The following HDGFL3 variants were observed in gnomAD, a reference collection of about 807,000 sequenced individuals.
HDGFL3 encodes the protein hepatoma-derived growth factor-related protein 3.
Under a neutral mutation model 27.6 loss-of-function variants are expected in HDGFL3, and 6 were observed. The ratio of observed to expected loss-of-function variants is 0.22; its 90% confidence interval spans 0.12 to 0.43. HDGFL3 has a LOEUF of 0.43. Among genes scored for constraint, HDGFL3 ranks in the 20% least tolerant of loss-of-function variants. The pLI, the probability that HDGFL3 is intolerant of heterozygous loss-of-function variation, is 1.00. For missense variants in HDGFL3, 207 were observed against 250.1 expected, an observed-to-expected ratio of 0.83 and a Z score of 1.16; for synonymous variants, 88 against 88.9, an observed-to-expected ratio of 0.99 and a Z score of 0.05.
intron 2 of HDGFL3, among the ~76,000 whole-genome samples, chr15:83,159,505 G>A (rs987689174): frequency 1.3e-5 from 2 of 152,150 alleles, no homozygotes; most frequent in Non-Finnish European, 2.9e-5. Flanking sequence ...ATGTTCTAGT[G>A]GCAGGGGTGG....
At chr15:83,197,790 G>A (rs2037589376) in intron 1 of HDGFL3, among the ~76,000 whole-genome samples, 1 of 152,100 alleles carries the variant, frequency 6.6e-6, no homozygotes, top group Non-Finnish European at 1.5e-5. Context: ...TATAGGCCGG[G>A]CACGGTGGCT....
chr15:83,124,537 C>A, downstream of HDGFL3: 1 of 649,548 alleles, frequency 1.5e-6, no homozygotes, highest in South Asian at 2.1e-5. Flanking sequence ...CCTAAAGTTC[C>A]ATGGCCAGTG....
chr15:83,199,458 C>T (rs2037612072), intron 1 of HDGFL3, among the ~76,000 whole-genome samples: 1 of 152,132 alleles, frequency 6.6e-6, no homozygotes, highest in African/African-American at 2.4e-5. Flanking sequence ...TCACTTAAAA[C>T]CACTCTCATC....
At chr15:83,200,856 C>CT (rs200038603) in intron 1 of HDGFL3, among the ~76,000 whole-genome samples, 3,155 of 120,142 alleles carry the variant, frequency 0.026, 47 homozygotes, top group Non-Finnish European at 0.031. Context: ...TTACTTTATT[C>CT]TTTTTTTTTT....
chr15:83,152,891 A>G (rs1234799807), intron 4 of HDGFL3, among the ~76,000 whole-genome samples: 1 of 152,056 alleles, frequency 6.6e-6, no homozygotes, highest in Admixed American at 6.6e-5. Flanking sequence ...AAGAATGACA[A>G]TAGTAAAAGT....
rs74249856 is a variant in HDGFL3 at position 83,199,772 on chromosome 15, G to A, written c.84+7559C>T. On this transcript the variant is annotated intron_variant, in intron 1 of 5. Coordinates refer to ENST00000299633, the MANE Select transcript of HDGFL3 (RefSeq NM_016073.4). Reference sequence around the variant, plus strand: ...AATGGCCTATCACAAGCCAGGTGCAGGGGCTCACACCTGTAATCCCAGCAC... The same window carrying A: ...AATGGCCTATCACAAGCCAGGTGCAAGGGCTCACACCTGTAATCCCAGCAC... Among the ~76,000 whole-genome samples the A allele has an allele frequency of 6.6e-5, 10 of 152,186 alleles. No homozygotes were observed. The East Asian group carries it at 1.9e-3, about 29-fold the overall frequency.
rs1364818233 is a variant in HDGFL3 at position 83,139,288 on chromosome 15, A to G, written c.607-13T>C. ...ATGGTAGTTAGGTCTGTAAAAAAAA[A>G]AAAAAGAAAGAAAACAAGCCTTTAG... On this transcript the variant is annotated splice_polypyrimidine_tract_variant and intron_variant, in intron 5 of 5. Transcript: ENST00000299633. The G allele has an allele frequency of 1.4e-6, 2 of 1,434,214 alleles. No homozygotes were observed. The highest frequency in any genetic ancestry group is 1.4e-5 in the South Asian group (1 of 70,798). 88.8% of individuals were successfully genotyped at this position (1,434,214 alleles called of 1,614,324 possible).
downstream of HDGFL3, among the ~76,000 whole-genome samples, chr15:83,124,064 A>G (rs1017024359): frequency 1.3e-5 from 2 of 152,234 alleles, no homozygotes; most frequent in East Asian, 1.9e-4. Context: ...TAAGTATAAC[A>G]GTGAAAAATG....
intron 1 of HDGFL3, among the ~76,000 whole-genome samples, chr15:83,194,823 T>A (rs181333808): frequency 6.6e-6 from 1 of 152,224 alleles, no homozygotes; most frequent in Admixed American, 6.5e-5. Flanking sequence ...AAGAGATTAA[T>A]GCATTTTAGC....
At chr15:83,179,051 C>T (rs2037348856) in intron 1 of HDGFL3, 1 of 152,200 alleles carries the variant, frequency 6.6e-6, no homozygotes, top group Admixed American at 6.5e-5. Flanking sequence ...CCTACTTATC[C>T]CCAAGTAGCA....
Position 83,112,825 on chromosome 15 carries a change from C to G in HDGFL3, c.*2884G>C, listed in dbSNP as rs368481259. 3 of 1,614,096 alleles carry G rather than the reference C, an allele frequency of 1.9e-6. No homozygotes were observed. The South Asian group carries it at 3.3e-5, about 18-fold the overall frequency. On this transcript the variant is annotated 3_prime_UTR_variant, in exon 4 of 4. Coordinates refer to the HDGFL3 transcript ENST00000568294. Reference sequence around the variant, plus strand: ...CTGGACTATTGTAGGGGTTGCTGCCCTCATCCTGTTCCTGGTAGCACTGCT... The same window carrying G: ...CTGGACTATTGTAGGGGTTGCTGCCGTCATCCTGTTCCTGGTAGCACTGCT...
At position 83,133,445 on chromosome 15, in the gene HDGFL3, T is replaced by A. The variant is rs1156347514; in HGVS notation, c.*5825A>T. ...CTTAAAATTTAACCTTTGTTCACCT[T>A]ATTGTCTCATTTGCCATTCCAATCA... On this transcript the variant is annotated 3_prime_UTR_variant, in exon 6 of 6. Transcript: ENST00000299633. 1.3e-5 allele frequency: 2 copies of A among 152,244 alleles called. No homozygotes were observed. The highest frequency in any genetic ancestry group is 2.9e-5 in the Non-Finnish European group (2 of 68,040). 9.4% of individuals were successfully genotyped at this position (152,244 alleles called of 1,614,324 possible).
At chr15:83,171,916 G>A (rs912780279) in intron 1 of HDGFL3, among the ~76,000 whole-genome samples, 2 of 152,146 alleles carry the variant, frequency 1.3e-5, no homozygotes, top group Non-Finnish European at 2.9e-5. Context: ...AAAGAACACT[G>A]TATGAACATG....
chr15:83,181,093 T>C (rs759435800), intron 1 of HDGFL3: 2 of 152,224 alleles, frequency 1.3e-5, no homozygotes, highest in African/African-American at 2.4e-5. Context: ...AACAATCTTA[T>C]AGCTACAGAC....
Position 83,135,768 on chromosome 15 carries a change from A to G in HDGFL3, c.*3502T>C, listed in dbSNP as rs2036567323. The stretch of plus-strand genomic sequence containing the variant: ...GTACTTCTAAATAAATTATAATTTG[A>G]TTTAAAAAGGTTGCCTGCATGTACA... On this transcript the variant is annotated 3_prime_UTR_variant, in exon 6 of 6. Transcript: ENST00000299633. The G allele has an allele frequency of 6.6e-6, 1 of 152,240 alleles. No homozygotes were observed. Among genetic ancestry groups the G allele is most frequent in the Non-Finnish European group, 1.5e-5 (1 of 68,042 alleles). The allele number at this position is 152,240 out of a possible 1,614,324, so 9.4% of individuals were successfully genotyped here.
At chr15:83,176,249 T>C (rs1284125051) in intron 1 of HDGFL3, among the ~76,000 whole-genome samples, 1 of 152,234 alleles carries the variant, frequency 6.6e-6, no homozygotes. Context: ...AACATTGTCC[T>C]ACCTCTGGAA....
intron 1 of HDGFL3, among the ~76,000 whole-genome samples, chr15:83,195,553 T>A (rs1021896428): frequency 6.6e-6 from 1 of 152,244 alleles, no homozygotes; most frequent in Non-Finnish European, 1.5e-5. Context: ...TTAATTTTTA[T>A]AATGCTAAGT....
intron 1 of HDGFL3, among the ~76,000 whole-genome samples, chr15:83,190,389 T>TTTTCCAA (rs1156284961): frequency 3.3e-5 from 5 of 152,146 alleles, no homozygotes; most frequent in Non-Finnish European, 5.9e-5. Flanking sequence ...AGTGAAATTG[T>TTTTCCAA]TTTCCAAAGG....
At chr15:83,169,413 TCA>T (rs2037215955) in intron 1 of HDGFL3, among the ~76,000 whole-genome samples, 1 of 13,360 alleles carries the variant, frequency 7.5e-5, no homozygotes, top group African/African-American at 2.6e-4. Flanking sequence ...AGACTCCGTC[TCA>T]AAAAAAAAAA....
Sources: allele counts gnomAD v4.1 joint callset (sites outside exome capture counted in the v4.1 genomes callset), GRCh38; gene constraint gnomAD v4.1.1; transcripts MANE v1.5; gene names NCBI Gene and HGNC (gene_info 2026-07-23, HGNC 2026-07-21).